CELF5: variants seen among roughly 807,000 people sequenced by gnomAD.
The protein encoded by CELF5 is CUGBP Elav-like family member 5.
CELF5 carries 6 observed loss-of-function variants against 54.9 expected under a neutral mutation model. The ratio of observed to expected loss-of-function variants is 0.11; its 90% CI spans 0.06 to 0.22. CELF5 has a LOEUF of 0.22. CELF5 is among the 10% of genes least tolerant of loss of function. CELF5 has a pLI of 1.00. For missense variants in CELF5, 401 were observed against 678.6 expected (o/e 0.59, Z 4.54); for synonymous variants, 271 against 290.9 (o/e 0.93, Z 0.70).
At position 3,224,689 on chromosome 19, in the gene CELF5, A is replaced by AGTCCGCC. The variant is rs1425569598; in HGVS notation, c.-50_-44dup. 1.0e-6 allele frequency: 1 copy of AGTCCGCC among 992,422 alleles called. No homozygotes were observed. Among genetic ancestry groups the AGTCCGCC allele is most frequent in the Non-Finnish European group, 1.2e-6 (1 of 835,690 alleles). 61.5% of individuals were successfully genotyped at this position (992,422 alleles called of 1,614,324 possible). The stretch of plus-strand genomic sequence containing the variant: ...AGGCGCGGCCGCCGCTCCAGCTGCG[A>AGTCCGCC]GTCCGCCCGCCGCCCGCCGCCGCCG... On this transcript the variant is annotated 5_prime_UTR_variant, in exon 1 of 13. Coordinates refer to ENST00000292672, the MANE Select transcript of CELF5 (RefSeq NM_021938.4).
chr19:3,234,134 G>C lies in CELF5; in HGVS notation c.259+9136G>C, dbSNP rs1006563072. Among the ~76,000 whole-genome samples, 71 of 152,298 alleles carry C rather than the reference G, an allele frequency of 4.7e-4. 1 individual carries two copies. The highest frequency in any genetic ancestry group is 6.8e-4 in the Non-Finnish European group (46 of 68,024). On this transcript the variant is annotated intron_variant, in intron 1 of 12. Coordinates refer to ENST00000292672, the MANE Select transcript of CELF5 (RefSeq NM_021938.4). ...CCTCTAGCAGAGCTAGGAGCCACCA[G>C]AAGAACTTTGTACACATAGGGAAAT...
At chr19:3,243,738 T>G (rs562770422) in intron 1 of CELF5, among the ~76,000 whole-genome samples, 1 of 152,150 alleles carries the variant, frequency 6.6e-6, no homozygotes, top group Non-Finnish European at 1.5e-5. Flanking sequence ...AATCAAGGTG[T>G]TGGCAGGGCT....
intron 5 of CELF5, among the ~76,000 whole-genome samples, chr19:3,279,148 T>C (rs2145252980): frequency 6.7e-6 from 1 of 150,126 alleles, no homozygotes; most frequent in East Asian, 2.0e-4. Context: ...AGGCCTGAGC[T>C]GGGGCCAGGT....
chr19:3,264,799 C>T (rs781319416), intron 2 of CELF5, among the ~76,000 whole-genome samples: 6 of 151,846 alleles, frequency 4.0e-5, no homozygotes, highest in Admixed American at 1.3e-4. Context: ...TCACTGCAAC[C>T]TCTGCCTCCC....
chr19:3,233,872 CTA>C (rs1376707096), intron 1 of CELF5, among the ~76,000 whole-genome samples: 1 of 152,186 alleles, frequency 6.6e-6, no homozygotes, highest in African/African-American at 2.4e-5. Context: ...GATGGGGAAA[CTA>C]AGGCACAGAA....
chr19:3,260,130 T>C (rs2079787678), intron 2 of CELF5, among the ~76,000 whole-genome samples: 1 of 152,232 alleles, frequency 6.6e-6, no homozygotes, highest in South Asian at 2.1e-4. Context: ...CTTTTTTTAT[T>C]TATTGAGACA....
At chr19:3,258,191 C>A (rs955978978) in intron 2 of CELF5, among the ~76,000 whole-genome samples, 1 of 152,128 alleles carries the variant, frequency 6.6e-6, no homozygotes, top group African/African-American at 2.4e-5. Flanking sequence ...CTCCTGACCT[C>A]AGGTGATCCT....
Position 3,253,976 on chromosome 19 carries a change from T to C in CELF5, c.342+2909T>C, listed in dbSNP as rs2079685134. 2.6e-5 allele frequency among the ~76,000 whole-genome samples: 4 copies of C among 152,236 alleles called. No individual in the cohort carries two copies. In the South Asian group the frequency reaches 8.3e-4, roughly 32 times the overall value. On this transcript the variant is annotated intron_variant, in intron 2 of 12. Transcript: ENST00000292672. ...CACAAACCCAGTCTCTATTCCACTG[T>C]CTGAGGCCTTAGGGACCTTGGAACT...
At chr19:3,226,180 C>G (rs957870382) in intron 1 of CELF5, among the ~76,000 whole-genome samples, 2 of 152,156 alleles carry the variant, frequency 1.3e-5, no homozygotes, top group African/African-American at 4.8e-5. Context: ...TGGGGAAGGA[C>G]CGGGGCCCAT....
chr19:3,290,563 CT>C (rs34393788), intron 11 of CELF5, among the ~76,000 whole-genome samples, 189 bp downstream of exon 11: 2,573 of 126,894 alleles, frequency 0.02, 62 homozygotes, highest in African/African-American at 0.068. Flanking sequence ...GTTTGGGTTT[CT>C]TTTTTTTTTT....
intron 2 of CELF5, among the ~76,000 whole-genome samples, chr19:3,261,366 C>T (rs192388841): frequency 5.7e-4 from 86 of 150,992 alleles, no homozygotes; most frequent in African/African-American, 1.8e-3. Context: ...TGCAGTGAGC[C>T]GAGATTGCAC....
At chr19:3,231,510 A>G (rs1034628452) in intron 1 of CELF5, among the ~76,000 whole-genome samples, 2 of 146,336 alleles carry the variant, frequency 1.4e-5, no homozygotes, top group Non-Finnish European at 3.0e-5. Flanking sequence ...GAATGGATTT[A>G]TGGATGGATG....
intron 2 of CELF5, among the ~76,000 whole-genome samples, chr19:3,254,840 ATC>A (rs1442814282): frequency 1.3e-5 from 2 of 151,220 alleles, no homozygotes; most frequent in African/African-American, 4.9e-5. Context: ...TCATCCATCC[ATC>A]TATCCATTAC....
In CELF5 at chr19:3,275,744, G is replaced by T; in HGVS notation, c.395-112G>T. On this transcript the variant is annotated intron_variant, in intron 3 of 12. Coordinates refer to ENST00000292672, the MANE Select transcript of CELF5 (RefSeq NM_021938.4). The surrounding 1 kb of genome is among the most constrained non-coding windows in gnomAD (Gnocchi z 6.7). ...CGCAGAACCGGAGCCGGCAGGGCCC[G>T]GGCGCCGCGTCTTCCTGCCCTGCCG... 8.4e-7 allele frequency: 1 copy of T among 1,196,630 alleles called. No individual in the cohort carries two copies. The highest frequency in any genetic ancestry group is 1.1e-6 in the Non-Finnish European group (1 of 883,618). 74.1% of individuals were successfully genotyped at this position (1,196,630 alleles called of 1,614,324 possible). A position where few individuals can be genotyped will look rare whatever the true frequency, so the allele number is the denominator to read the frequency against.
At chr19:3,270,435 C>T (rs772709280) in intron 2 of CELF5, among the ~76,000 whole-genome samples, 9 of 149,560 alleles carry the variant, frequency 6.0e-5, no homozygotes, top group Non-Finnish European at 1.2e-4. Flanking sequence ...GCCAGATGGA[C>T]GGGCAGGGGC....
intron 2 of CELF5, among the ~76,000 whole-genome samples, chr19:3,257,703 C>T (rs1030165373): frequency 2.0e-5 from 3 of 151,536 alleles, no homozygotes; most frequent in African/African-American, 4.8e-5. Flanking sequence ...CTCGAACTCC[C>T]GAGCTCAGAT....
chr19:3,242,957 C>G (rs1483568064), intron 1 of CELF5, among the ~76,000 whole-genome samples: 5 of 142,526 alleles, frequency 3.5e-5, no homozygotes, highest in African/African-American at 5.1e-5. Context: ...GAGCGAGACT[C>G]CATCTCAAAT....
intron 1 of CELF5, 44 bp from the exon 2 acceptor site, chr19:3,250,941 G>A (rs1175916685): frequency 6.9e-7 from 1 of 1,449,508 alleles, no homozygotes; most frequent in Non-Finnish European, 9.7e-7. Context: ...GTGACCATGG[G>A]TGTGCCCGTG....
chr19:3,228,615 TG>T lies in CELF5; in HGVS notation c.259+3627del, dbSNP rs758992111. ...AGGTTGCGCTGGGGGACGGTGCAGGTGGGGGGGGGGCCCGGCGGGGGCCCGG... is the reference window on the plus strand; with the variant it reads ...AGGTTGCGCTGGGGGACGGTGCAGGTGGGGGGGGGCCCGGCGGGGGCCCGG... On this transcript the variant is annotated intron_variant, in intron 1 of 12. Transcript: ENST00000292672. This position sits in a 1 kb window ranked among gnomAD's most constrained non-coding sequence, Gnocchi z 6.0. 0.015 allele frequency among the ~76,000 whole-genome samples: 479 copies of T among 32,132 alleles called. No homozygotes were observed. The highest frequency in any genetic ancestry group is 0.049 in the African/African-American group (410 of 8,368). The allele number at this position is 32,132 out of a possible 152,430, so 21.1% of individuals were successfully genotyped here.
Sources: allele counts gnomAD v4.1 joint callset (sites outside exome capture counted in the v4.1 genomes callset), GRCh38; gene constraint gnomAD v4.1.1; non-coding constraint Gnocchi (gnomAD v3.1); transcripts MANE v1.5; gene names NCBI Gene and HGNC (gene_info 2026-07-23, HGNC 2026-07-21).